Variants in WWOX observed in about 807,000 individuals in gnomAD.
WWOX encodes the protein WW domain containing oxidoreductase.
A neutral mutation model predicts 46.2 loss-of-function variants in WWOX; 69 were observed. The ratio of observed to expected loss-of-function variants is 1.49; its 90% CI spans 1.23 to 1.82. WWOX has a LOEUF of 1.82. Among genes scored for constraint, WWOX ranks in the 40% most tolerant of loss-of-function variants. The pLI is 0.00. For missense variants in WWOX, 919 were observed against 542.6 expected, an observed-to-expected ratio of 1.69 and a Z score of -6.89; for synonymous variants, 359 against 202.6, an observed-to-expected ratio of 1.77 and a Z score of -6.56.
intron 8 of WWOX, among the ~76,000 whole-genome samples, chr16:78,643,418 G>C (rs745425104): frequency 2.0e-5 from 3 of 152,120 alleles, no homozygotes; most frequent in Non-Finnish European, 4.4e-5. Flanking sequence ...GCCGGGGCTT[G>C]AACCCCTGTC....
chr16:78,996,967 C>A (rs1021826505), intron 8 of WWOX, among the ~76,000 whole-genome samples: 1 of 152,348 alleles, frequency 6.6e-6, no homozygotes, highest in Non-Finnish European at 1.5e-5. Context: ...GGGCGAGGTG[C>A]GGATCTTTTC....
At chr16:78,204,119 A>T (rs1279079880) in intron 5 of WWOX, among the ~76,000 whole-genome samples, 1 of 152,226 alleles carries the variant, frequency 6.6e-6, no homozygotes, top group East Asian at 1.9e-4. Context: ...TACTACCTGT[A>T]GCAAGAGCAT....
At chr16:78,349,522 G>A (rs761879863) in intron 5 of WWOX, among the ~76,000 whole-genome samples, 1 of 120,508 alleles carries the variant, frequency 8.3e-6, no homozygotes. Context: ...GCCAGGAGGA[G>A]GTCCTAGTCA....
At chr16:78,101,911 G>GT (rs1287127537) in intron 1 of WWOX, among the ~76,000 whole-genome samples, 1 of 152,182 alleles carries the variant, frequency 6.6e-6, no homozygotes, top group Non-Finnish European at 1.5e-5. Flanking sequence ...TCCCCACGCA[G>GT]TGTGTATACC....
chr16:78,897,121 A>G (rs2044719079), intron 8 of WWOX: 1 of 151,554 alleles, frequency 6.6e-6, no homozygotes, highest in South Asian at 2.1e-4. Context: ...ATTGTGACAT[A>G]TGCCTGTAAC....
At chr16:78,418,190 C>T (rs112413810) in intron 6 of WWOX, among the ~76,000 whole-genome samples, 1,989 of 152,092 alleles carry the variant, frequency 0.013, 35 homozygotes, top group African/African-American at 0.043. Flanking sequence ...GAAACCCCGT[C>T]TCTACTAAAA....
At chr16:78,769,559 T>C in intron 8 of WWOX, among the ~76,000 whole-genome samples, 1 of 144,216 alleles carries the variant, frequency 6.9e-6, no homozygotes, top group Non-Finnish European at 1.5e-5. Context: ...ATTTATTTAT[T>C]TATTTATTTA....
intron 8 of WWOX, among the ~76,000 whole-genome samples, chr16:78,888,698 C>A (rs4888872): frequency 6.6e-6 from 1 of 152,206 alleles, no homozygotes; most frequent in African/African-American, 2.4e-5. Flanking sequence ...ATGTAGAATC[C>A]CTTTGCTCAT....
intron 8 of WWOX, among the ~76,000 whole-genome samples, chr16:78,527,197 C>G (rs2043492297): frequency 6.6e-6 from 1 of 151,966 alleles, no homozygotes; most frequent in South Asian, 2.1e-4. Context: ...AACAGATGAA[C>G]AACCCCACAC....
chr16:78,494,774 C>A (rs2244491), intron 8 of WWOX, among the ~76,000 whole-genome samples: 4 of 152,188 alleles, frequency 2.6e-5, no homozygotes, highest in Admixed American at 1.3e-4. Flanking sequence ...CTCCTCCCCC[C>A]ATCTTTATGG....
At chr16:78,663,475 A>G (rs1169305634) in intron 8 of WWOX, among the ~76,000 whole-genome samples, 1 of 152,298 alleles carries the variant, frequency 6.6e-6, no homozygotes, top group South Asian at 2.1e-4. Context: ...TGCGATATGA[A>G]CATCTGGTTA....
In WWOX at chr16:78,236,964, C is replaced by G. The variant is rs753090477; in HGVS notation, c.516+72675C>G. ...TGGTGCATGCCTGTAATCCCAGCTA[C>G]TCAGGAGGCTGAGGCAGGAGAATCA... On this transcript the variant is annotated intron_variant, in intron 5 of 8. Coordinates refer to ENST00000566780, the MANE Select transcript of WWOX (RefSeq NM_016373.4). 2.6e-4 allele frequency among the ~76,000 whole-genome samples: 39 copies of G among 151,288 alleles called. 1 individual carries two copies. Among genetic ancestry groups the G allele is most frequent in the South Asian group, 2.1e-4 (1 of 4,790 alleles).
chr16:79,143,720 G>T (rs926301656), intron 8 of WWOX, among the ~76,000 whole-genome samples: 1 of 152,122 alleles, frequency 6.6e-6, no homozygotes, highest in Non-Finnish European at 1.5e-5. Flanking sequence ...GCAGCCCTGA[G>T]GGATAGGTGC....
At chr16:78,406,312 ATATATATATATATATATAT>A (rs1567553318) in intron 6 of WWOX, among the ~76,000 whole-genome samples, 2 of 39,358 alleles carry the variant, frequency 5.1e-5, no homozygotes, top group African/African-American at 6.0e-4. Flanking sequence ...AAATATATAT[ATATATATATATATATATAT>A]ATATATATAT....
At chr16:78,309,897 A>G (rs2080207774) in intron 5 of WWOX, among the ~76,000 whole-genome samples, 1 of 152,146 alleles carries the variant, frequency 6.6e-6, no homozygotes, top group Non-Finnish European at 1.5e-5. Context: ...CTATGTAAAT[A>G]GGGATAATAA....
At chr16:78,415,112 A>G (rs2082768882) in intron 6 of WWOX, among the ~76,000 whole-genome samples, 2 of 148,658 alleles carry the variant, frequency 1.3e-5, no homozygotes, top group Non-Finnish European at 3.0e-5. Context: ...ATTATATATA[A>G]TATATATTTT....
chr16:78,817,284 C>A (rs2051359577), intron 8 of WWOX, among the ~76,000 whole-genome samples: 1 of 142,146 alleles, frequency 7.0e-6, no homozygotes, highest in Admixed American at 7.5e-5. Flanking sequence ...TAAGCCTGGG[C>A]CAAGTGTGTA....
chr16:78,437,784 G>C (rs967467612), intron 8 of WWOX, among the ~76,000 whole-genome samples: 1 of 152,148 alleles, frequency 6.6e-6, no homozygotes, highest in Non-Finnish European at 1.5e-5. Flanking sequence ...CATTTGCTGA[G>C]TACTTTCTAA....
intron 8 of WWOX, among the ~76,000 whole-genome samples, chr16:78,647,079 A>G (rs2046861612): frequency 6.6e-6 from 1 of 152,088 alleles, no homozygotes; most frequent in African/African-American, 2.4e-5. Context: ...TCCTTCCCCG[A>G]TGATGGCCAA....
Sources: allele counts gnomAD v4.1 joint callset (sites outside exome capture counted in the v4.1 genomes callset), GRCh38; gene constraint gnomAD v4.1.1; transcripts MANE v1.5; gene names NCBI Gene and HGNC (gene_info 2026-07-23, HGNC 2026-07-21).